ITGB5: variants seen among roughly 807,000 people sequenced by gnomAD.
ITGB5 encodes the protein integrin subunit beta 5, also known as integrin beta-5.
Under a neutral mutation model 84.8 loss-of-function variants are expected in ITGB5, and 38 were observed. That is an observed-to-expected ratio of 0.45 (90% CI 0.35 to 0.59). The LOEUF (loss-of-function observed/expected upper bound fraction) is 0.59, where lower values mean the gene tolerates loss of function less well. ITGB5 is among the 20% of genes least tolerant of loss of function. The pLI, the probability that ITGB5 is intolerant of heterozygous loss-of-function variation, is 0.01. For missense variants in ITGB5, 905 were observed against 1,034.5 expected (o/e 0.87, Z 1.72); for synonymous variants, 393 against 414.4 (o/e 0.95, Z 0.63).
intron 1 of ITGB5, among the ~76,000 whole-genome samples, chr3:124,886,192 A>T (rs1340434869): frequency 6.6e-6 from 1 of 152,080 alleles, no homozygotes; most frequent in East Asian, 1.9e-4. Context: ...AATCCTCCAC[A>T]GTTAGGGGAG....
At chr3:124,841,781 T>C (rs750033588) in intron 4 of ITGB5, among the ~76,000 whole-genome samples, 5 of 152,228 alleles carry the variant, frequency 3.3e-5, no homozygotes, top group Non-Finnish European at 5.9e-5. Flanking sequence ...AAGTTATAAA[T>C]GAATGGTATG....
chr3:124,876,652 G>C (rs1392545512), intron 1 of ITGB5, among the ~76,000 whole-genome samples: 1 of 152,210 alleles, frequency 6.6e-6, no homozygotes, highest in South Asian at 2.1e-4. Flanking sequence ...AGGAAGAGAG[G>C]CTTTGAGAAC....
rs1455311824 is a variant in ITGB5 at position 124,865,485 on chromosome 3, T to TC, written c.157-6040_157-6039insG. 1.4e-3 allele frequency among the ~76,000 whole-genome samples: 191 copies of TC among 135,466 alleles called. 1 individual carries two copies. Among genetic ancestry groups the TC allele is most frequent in the Middle Eastern group, 7.1e-3 (2 of 280 alleles). The allele number at this position is 135,466 out of a possible 152,430, so 88.9% of individuals were successfully genotyped here. A position where few individuals can be genotyped will look rare whatever the true frequency, so the allele number is the denominator to read the frequency against. ...AGTGTCCTTTGCGGCTTTTTTCTTT[T>TC]TTTTTTTTTTTTTTTTTGAGAGACT... On this transcript the variant is annotated intron_variant, in intron 2 of 14. Coordinates refer to ENST00000296181, the MANE Select transcript of ITGB5 (RefSeq NM_002213.5).
intron 3 of ITGB5, among the ~76,000 whole-genome samples, chr3:124,850,688 A>G (rs1579293834): frequency 7.3e-6 from 1 of 136,968 alleles, no homozygotes; most frequent in East Asian, 2.3e-4. Flanking sequence ...AAATTAAAGT[A>G]TAATAATAAT....
At chr3:124,777,362 T>A (rs1022577770) in intron 10 of ITGB5, among the ~76,000 whole-genome samples, 1 of 152,214 alleles carries the variant, frequency 6.6e-6, no homozygotes, top group African/African-American at 2.4e-5. Flanking sequence ...AAAACCTTCA[T>A]CTGCATGGCT....
chr3:124,886,364 T>C (rs1934809241), intron 1 of ITGB5, among the ~76,000 whole-genome samples: 1 of 151,886 alleles, frequency 6.6e-6, no homozygotes, highest in Non-Finnish European at 1.5e-5. Context: ...GGGTGGGGGC[T>C]GCATCTTCAA....
At chr3:124,836,697 T>G (rs1241099575) in intron 5 of ITGB5, among the ~76,000 whole-genome samples, 2 of 152,292 alleles carry the variant, frequency 1.3e-5, no homozygotes, top group East Asian at 3.9e-4. Context: ...CAATATACTG[T>G]AGGATTCTGG....
At chr3:124,879,490 T>C (rs1256314022) in intron 1 of ITGB5, among the ~76,000 whole-genome samples, 3 of 152,226 alleles carry the variant, frequency 2.0e-5, no homozygotes, top group Non-Finnish European at 2.9e-5. Context: ...TAAATAGCCA[T>C]ATGTCTAAAT....
chr3:124,782,906 G>A (rs989822737), intron 10 of ITGB5, among the ~76,000 whole-genome samples: 16 of 151,966 alleles, frequency 1.1e-4, no homozygotes, highest in Admixed American at 3.3e-4. Flanking sequence ...GGAGGAAAGG[G>A]GAGCTTGCAG....
intron 1 of ITGB5, among the ~76,000 whole-genome samples, chr3:124,886,242 G>C (rs1170944482): frequency 1.3e-5 from 2 of 152,016 alleles, no homozygotes; most frequent in Non-Finnish European, 2.9e-5. Flanking sequence ...GGATAAAGTC[G>C]GGCAGAAGGA....
intron 9 of ITGB5, among the ~76,000 whole-genome samples, chr3:124,799,342 T>G (rs897766310): frequency 7.2e-5 from 11 of 152,078 alleles, no homozygotes; most frequent in Admixed American, 4.6e-4. Flanking sequence ...GAGGATCACT[T>G]GAGGCCAGGA....
chr3:124,764,414 G>T lies in ITGB5; in HGVS notation c.2281C>A (p.Arg761=). 1 of 1,612,252 alleles carries T rather than the reference G, an allele frequency of 6.2e-7. No homozygotes were observed. The highest frequency in any genetic ancestry group is 2.2e-5 in the East Asian group (1 of 44,840). The part of the protein sequence containing the change: ...RREFAKFQSE[R]SRARYEMASN... ...ACCATTTCATAGCGGGCCCTGGATC[G>T]CTCGCTCTGAAACTTTGCAAACTCC... The change falls in exon 14 of 15, where the codon CGA becomes AGA. Residue 761 remains arginine (R), a synonymous_variant. Coordinates refer to ENST00000296181, the MANE Select transcript of ITGB5 (RefSeq NM_002213.5).
At chr3:124,871,838 TAA>T (rs1934067216) in intron 2 of ITGB5, among the ~76,000 whole-genome samples, 2 of 144,046 alleles carry the variant, frequency 1.4e-5, no homozygotes, top group Non-Finnish European at 3.0e-5. Flanking sequence ...AAAATAAAAA[TAA>T]AAATAAAAAT....
intron 8 of ITGB5, 98 bp from the exon 9 acceptor site, chr3:124,809,254 C>G: frequency 7.6e-7 from 1 of 1,316,862 alleles, no homozygotes; most frequent in South Asian, 1.3e-5. Context: ...CTTCCTCTAA[C>G]TCAGGAATCC....
At chr3:124,787,749 C>T (rs1214169541) in intron 10 of ITGB5, 2 of 152,220 alleles carry the variant, frequency 1.3e-5, no homozygotes. Context: ...TCTCCAACCA[C>T]AAGCTGCAAG....
intron 1 of ITGB5, among the ~76,000 whole-genome samples, chr3:124,898,678 A>ACAG (rs1373734860): frequency 5.1e-5 from 7 of 138,276 alleles, no homozygotes; most frequent in South Asian, 2.4e-4. Context: ...AAAGAAAATG[A>ACAG]CAGCACTTTG....
At chr3:124,875,902 T>C (rs1934287973) in intron 1 of ITGB5, among the ~76,000 whole-genome samples, 1 of 152,212 alleles carries the variant, frequency 6.6e-6, no homozygotes, top group Non-Finnish European at 1.5e-5. Context: ...CAGAAAGACA[T>C]ACTGCATTAT....
chr3:124,812,348 G>A (rs528117295), intron 8 of ITGB5, among the ~76,000 whole-genome samples: 3 of 152,274 alleles, frequency 2.0e-5, no homozygotes, highest in Admixed American at 6.5e-5. Flanking sequence ...TTAAATACTC[G>A]GTCAGGTTAG....
rs1412981929 is a variant in ITGB5 at position 124,848,529 on chromosome 3, G to A, written c.391C>T (p.Arg131Cys). Residue 131 changes from arginine (R) to cysteine (C), a missense_variant, in exon 4 of 15, where the codon CGC becomes TGC. Coordinates refer to ENST00000296181, the MANE Select transcript of ITGB5 (RefSeq NM_002213.5). Reference sequence around the variant, plus strand: ...TCCACAGGATAGTCCTCCACCTGGCGAACCTGTAGCTGGAAGGTGGTCTTG... The same window carrying A: ...TCCACAGGATAGTCCTCCACCTGGCAAACCTGTAGCTGGAAGGTGGTCTTG... Reference protein sequence around the residue: ...GDKTTFQLQVRQVEDYPVDLY... With the variant: ...GDKTTFQLQVCQVEDYPVDLY... 4.3e-6 allele frequency: 7 copies of A among 1,613,380 alleles called. No individual in the cohort carries two copies. Among genetic ancestry groups the A allele is most frequent in the Non-Finnish European group, 5.9e-6 (7 of 1,179,892 alleles).
Sources: gnomAD v4.1 joint callset for allele counts (sites outside exome capture counted in the v4.1 genomes callset) on GRCh38, gnomAD v4.1.1 for gene constraint, MANE v1.5 for transcripts, NCBI Gene and HGNC (gene_info 2026-07-23, HGNC 2026-07-21) for gene names.